TAFA5: variants seen among roughly 807,000 people sequenced by gnomAD.
The protein encoded by TAFA5 is TAFA chemokine like family member 5.
TAFA5 carries 6 observed loss-of-function variants against 15.3 expected under a neutral mutation model. The observed-to-expected ratio is 0.39, with a 90% CI of 0.21 to 0.77. The LOEUF is 0.77. TAFA5 is among the 30% of genes least tolerant of loss of function. The pLI, the probability that TAFA5 is intolerant of heterozygous loss-of-function variation, is 0.41. For synonymous variants in TAFA5, 103 were observed against 80.7 expected, an observed-to-expected ratio of 1.28 and a Z score of -1.48; for missense variants, 161 against 193.1, an observed-to-expected ratio of 0.83 and a Z score of 0.98.
intron 3 of TAFA5, among the ~76,000 whole-genome samples, chr22:48,714,453 T>C (rs572220458): frequency 6.6e-6 from 1 of 152,210 alleles, no homozygotes; most frequent in Admixed American, 6.5e-5. Flanking sequence ...ACAGGCTGCA[T>C]AAGAGACCCC....
chr22:48,670,973 T>C (rs1459056257), intron 2 of TAFA5, among the ~76,000 whole-genome samples: 1 of 152,182 alleles, frequency 6.6e-6, no homozygotes, highest in Non-Finnish European at 1.5e-5. Context: ...CATTGCTCAT[T>C]ACCCATAAAT....
chr22:48,636,938 A>G (rs2147194313), intron 1 of TAFA5, among the ~76,000 whole-genome samples: 1 of 152,300 alleles, frequency 6.6e-6, no homozygotes. Context: ...GGCTGAGGCC[A>G]GGGCTCTGGA....
intron 1 of TAFA5, among the ~76,000 whole-genome samples, chr22:48,626,544 A>G (rs753873597): frequency 2.6e-5 from 4 of 152,146 alleles, no homozygotes; most frequent in East Asian, 3.9e-4. Context: ...CTGTGCTCGT[A>G]TTGTTCAGCT....
intron 1 of TAFA5, among the ~76,000 whole-genome samples, chr22:48,641,381 C>T (rs1926670400): frequency 6.6e-6 from 1 of 152,140 alleles, no homozygotes; most frequent in Non-Finnish European, 1.5e-5. Context: ...GGGGCTGGTC[C>T]TGGGGGCTGG....
chr22:48,490,922 A>C lies in TAFA5; in HGVS notation c.112+1218A>C, dbSNP rs1354447679. On this transcript the variant is annotated intron_variant, in intron 1 of 3. Transcript: ENST00000402357. The surrounding 1 kb of genome is among the most constrained non-coding windows in gnomAD (Gnocchi z 5.8). ...CACAGTGGCCCAGGGAGACCCGGGC[A>C]GCCGCGGGATCGGCCTCCGGAGTCC... Among the ~76,000 whole-genome samples the C allele has an allele frequency of 6.6e-6, 1 of 152,114 alleles. No homozygotes were observed.
chr22:48,674,484 C>T (rs971458099), intron 2 of TAFA5, among the ~76,000 whole-genome samples: 8 of 152,124 alleles, frequency 5.3e-5, no homozygotes, highest in Non-Finnish European at 1.5e-5. Flanking sequence ...CCTCCTCAGC[C>T]TTCGAGTTAC....
chr22:48,713,525 G>A (rs552511440), intron 3 of TAFA5, among the ~76,000 whole-genome samples: 92 of 152,372 alleles, frequency 6.0e-4, no homozygotes, highest in African/African-American at 2.0e-3. Context: ...GCCTGCCGGC[G>A]AGTTCTGGAG....
intron 1 of TAFA5, among the ~76,000 whole-genome samples, chr22:48,609,739 C>T (rs1040777664): frequency 4.6e-5 from 7 of 152,266 alleles, no homozygotes; most frequent in African/African-American, 1.4e-4. Flanking sequence ...TTCTGGAGGC[C>T]GGGGGTCTGG....
At chr22:48,606,469 A>C (rs28360599) in intron 1 of TAFA5, among the ~76,000 whole-genome samples, 1 of 152,152 alleles carries the variant, frequency 6.6e-6, no homozygotes, top group East Asian at 1.9e-4. Context: ...ATATAGATGT[A>C]TGTATTTCTA....
Position 48,749,968 on chromosome 22 carries a change from TCCCTGTGGTCCGTGAAGG to T in TAFA5, c.*122_*139del, listed in dbSNP as rs993838600. On this transcript the variant is annotated 3_prime_UTR_variant, in exon 4 of 4. Transcript: ENST00000402357. ...TTCTCTGCCGCCCGCCCACTCCGTTTCCCTGTGGTCCGTGAAGGACGGCCTCAGGCCTTGGCATCCTGA... is the reference window on the plus strand; with the variant it reads ...TTCTCTGCCGCCCGCCCACTCCGTTTACGGCCTCAGGCCTTGGCATCCTGA... The T allele has an allele frequency of 6.1e-6, 6 of 988,880 alleles. No homozygotes were observed. In the African/African-American group the frequency reaches 9.7e-5, roughly 16 times the overall value. The allele number at this position is 988,880 out of a possible 1,614,324, so 61.3% of individuals were successfully genotyped here.
chr22:48,698,794 C>T (rs1054642402), intron 2 of TAFA5, among the ~76,000 whole-genome samples: 4 of 89,224 alleles, frequency 4.5e-5, no homozygotes, highest in South Asian at 3.0e-4. Context: ...CTACAGGCCC[C>T]GTGCGTGGCC....
intron 3 of TAFA5, among the ~76,000 whole-genome samples, chr22:48,730,319 G>A (rs1929833882): frequency 6.6e-6 from 1 of 152,056 alleles, no homozygotes. Context: ...CCGGGAGGTG[G>A]AGGTTACAGT....
intron 1 of TAFA5, among the ~76,000 whole-genome samples, chr22:48,625,380 C>T (rs867603948): frequency 2.0e-5 from 3 of 152,216 alleles, no homozygotes; most frequent in Admixed American, 6.5e-5. Context: ...AGCCCCCTCC[C>T]GTTGCCTGTC....
chr22:48,691,025 C>G (rs1928524260), intron 2 of TAFA5, among the ~76,000 whole-genome samples: 1 of 152,166 alleles, frequency 6.6e-6, no homozygotes, highest in Non-Finnish European at 1.5e-5. Flanking sequence ...CTCCTGAGCG[C>G]CGTCAATCTC....
chr22:48,736,833 G>A (rs1042630788), intron 3 of TAFA5, among the ~76,000 whole-genome samples: 3 of 152,234 alleles, frequency 2.0e-5, no homozygotes, highest in African/African-American at 4.8e-5. Context: ...GGTCCAGGAC[G>A]GAGATGGGGA....
intron 2 of TAFA5, among the ~76,000 whole-genome samples, chr22:48,687,043 A>T (rs551020962): frequency 2.1e-4 from 31 of 148,330 alleles, no homozygotes; most frequent in Non-Finnish European, 3.7e-4. Flanking sequence ...TTGATGGAGG[A>T]TGGATAGATG....
chr22:48,596,131 T>C (rs1435464379), intron 1 of TAFA5, among the ~76,000 whole-genome samples: 1 of 152,266 alleles, frequency 6.6e-6, no homozygotes, highest in Admixed American at 6.5e-5. Context: ...GTAGAAATTA[T>C]GGTAGCTGTG....
chr22:48,518,425 G>T (rs539213190), intron 1 of TAFA5, among the ~76,000 whole-genome samples: 12 of 152,310 alleles, frequency 7.9e-5, no homozygotes, highest in African/African-American at 2.6e-4. Context: ...CTGAGAGGGT[G>T]TCCTGAGTCC....
intron 1 of TAFA5, among the ~76,000 whole-genome samples, chr22:48,641,435 C>G (rs6010556): frequency 0.031 from 4,715 of 152,182 alleles, 171 homozygotes; most frequent in East Asian, 0.11. Context: ...CTCTGACTTC[C>G]GATTTTTGCC....
Sources: gnomAD v4.1 joint callset for allele counts (sites outside exome capture counted in the v4.1 genomes callset) on GRCh38, gnomAD v4.1.1 for gene constraint, Gnocchi (gnomAD v3.1) non-coding constraint, MANE v1.5 for transcripts, NCBI Gene and HGNC (gene_info 2026-07-23, HGNC 2026-07-21) for gene names.